Variants in ITGA1 observed in about 807,000 individuals in gnomAD.
ITGA1 encodes the protein integrin alpha-1.
A neutral mutation model predicts 145.9 loss-of-function variants in ITGA1; 85 were observed. The ratio of observed to expected loss-of-function variants is 0.58; its 90% confidence interval spans 0.49 to 0.70. ITGA1 has a LOEUF of 0.70. Among genes scored for constraint, ITGA1 ranks in the 30% least tolerant of loss-of-function variants. The probability of loss-of-function intolerance (pLI) is 0.00; values close to 1 mark genes in which losing one functional copy is unlikely to be tolerated. For synonymous variants in ITGA1, 520 were observed against 495.3 expected, an observed-to-expected ratio of 1.05 and a Z score of -0.66; for missense variants, 1,351 against 1,418.7, an observed-to-expected ratio of 0.95 and a Z score of 0.77.
At chr5:52,891,632 A>G (rs1750152059) in intron 8 of ITGA1, among the ~76,000 whole-genome samples, 1 of 149,808 alleles carries the variant, frequency 6.7e-6, no homozygotes, top group Non-Finnish European at 1.5e-5. Context: ...TAATTTTTTT[A>G]TTTATTACAG....
chr5:52,916,880 C>A (rs1750656046), intron 15 of ITGA1, among the ~76,000 whole-genome samples: 1 of 152,042 alleles, frequency 6.6e-6, no homozygotes, highest in South Asian at 2.1e-4. Context: ...TTTTATGCTC[C>A]AGTTTTGTTT....
At chr5:52,869,443 G>A (rs1387216906) in intron 6 of ITGA1, among the ~76,000 whole-genome samples, 2 of 152,206 alleles carry the variant, frequency 1.3e-5, no homozygotes, top group African/African-American at 4.8e-5. Context: ...TTACAGGCTT[G>A]AGCCACTGTG....
chr5:52,871,862 A>G (rs1749781588), intron 6 of ITGA1, among the ~76,000 whole-genome samples: 1 of 152,208 alleles, frequency 6.6e-6, no homozygotes, highest in African/African-American at 2.4e-5. Context: ...CCTTTTAAAA[A>G]TCACCTATAA....
At chr5:52,900,490 T>C (rs1750297179) in intron 11 of ITGA1, among the ~76,000 whole-genome samples, 1 of 152,200 alleles carries the variant, frequency 6.6e-6, no homozygotes, top group South Asian at 2.1e-4. Context: ...TGTATTATTA[T>C]TTATGTTATT....
At chr5:52,832,242 G>C (rs1320484370) in intron 1 of ITGA1, among the ~76,000 whole-genome samples, 4 of 152,066 alleles carry the variant, frequency 2.6e-5, no homozygotes, top group Non-Finnish European at 5.9e-5. Context: ...CCTGAGATTA[G>C]AGAGTTCATA....
At chr5:52,867,599 C>G (rs1451459119) in intron 6 of ITGA1, among the ~76,000 whole-genome samples, 4 of 152,016 alleles carry the variant, frequency 2.6e-5, no homozygotes, top group African/African-American at 9.7e-5. Flanking sequence ...TCATGGACCT[C>G]CTTTTTTCCC....
At chr5:52,802,497 A>T (rs1223260951) in intron 1 of ITGA1, 1 of 152,142 alleles carries the variant, frequency 6.6e-6, no homozygotes, top group Non-Finnish European at 1.5e-5. Flanking sequence ...GGGTAACTTA[A>T]ATCAGTTATT....
chr5:52,853,776 A>T (rs1749464105), intron 2 of ITGA1, among the ~76,000 whole-genome samples: 1 of 152,198 alleles, frequency 6.6e-6, no homozygotes, highest in Non-Finnish European at 1.5e-5. Flanking sequence ...TATGTTTAGC[A>T]TGAGCTGGAG....
At chr5:52,891,500 T>C (rs1403589299) in intron 8 of ITGA1, among the ~76,000 whole-genome samples, 1 of 150,082 alleles carries the variant, frequency 6.7e-6, no homozygotes, top group Non-Finnish European at 1.5e-5. Context: ...CTACTGTTTA[T>C]AGACATTTTG....
rs1249781626 is a variant in ITGA1, at chr5:52,910,370, T to C, written c.1808T>C (p.Val603Ala). 6.2e-7 allele frequency: 1 copy of C among 1,613,636 alleles called. No homozygotes were observed. Among genetic ancestry groups the C allele is most frequent in the Non-Finnish European group, 8.5e-7 (1 of 1,179,822 alleles). The change falls in exon 14 of 29, where the codon GTG (valine) becomes GCG (alanine). Residue 603 changes from valine (V) to alanine (A), a missense_variant. Physicochemically the swap from Val to Ala is moderately conservative, Grantham distance 64 (BLOSUM62 0). Transcript: ENST00000282588. ...APLEDDHGGA[V>A]YIYHGSGKTI... ...CTGGAAGATGATCACGGGGGAGCTG[T>C]GTACATTTATCATGGAAGTGGCAAG...
In ITGA1 at chr5:52,915,549, T is replaced by C. The variant is rs1435836492; in HGVS notation, c.1943T>C (p.Leu648Pro). ...HGEMDLNGDG[L>P]TDVTIGGLGG... is the part of the protein sequence containing the mutation. ...GAAATGGATTTAAATGGTGACGGTC[T>C]GACAGATGTGACTATTGGGGGCCTT... Residue 648 changes from leucine to proline, a missense_variant, in exon 15 of 29, where the codon CTG (leucine) becomes CCG (proline). Transcript: ENST00000282588. 2 of 1,614,122 alleles carry C rather than the reference T, an allele frequency of 1.2e-6. No individual in the cohort carries two copies. Among genetic ancestry groups the C allele is most frequent in the Non-Finnish European group, 1.7e-6 (2 of 1,179,992 alleles).
chr5:52,832,767 G>A (rs1258758465), intron 1 of ITGA1, among the ~76,000 whole-genome samples: 1 of 60,586 alleles, frequency 1.7e-5, no homozygotes, highest in African/African-American at 8.7e-5. Flanking sequence ...ATATAAATCT[G>A]TGTGTGTGTG....
At chr5:52,788,947 T>C (rs534269361) in intron 1 of ITGA1, among the ~76,000 whole-genome samples, 1 of 152,320 alleles carries the variant, frequency 6.6e-6, no homozygotes, top group East Asian at 1.9e-4. Context: ...AAAATGATGT[T>C]TCTATGTCAG....
intron 14 of ITGA1, among the ~76,000 whole-genome samples, chr5:52,910,711 A>G (rs1750494227): frequency 1.4e-5 from 2 of 147,030 alleles, no homozygotes; most frequent in Admixed American, 1.4e-4. Flanking sequence ...TATATACTAT[A>G]TATGGTATAT....
intron 11 of ITGA1, among the ~76,000 whole-genome samples, chr5:52,899,619 A>G (rs147484302): frequency 6.6e-6 from 1 of 152,284 alleles, no homozygotes; most frequent in African/African-American, 2.4e-5. Context: ...TGCCAGTAAA[A>G]TATTACACAG....
chr5:52,910,959 CACTATATATACTATATAT>C (rs1240539539), intron 14 of ITGA1, among the ~76,000 whole-genome samples: 2 of 127,452 alleles, frequency 1.6e-5, no homozygotes, highest in Non-Finnish European at 3.1e-5. Flanking sequence ...ATAGTATATA[CACTATATATACTATATAT>C]AGTATGTATA....
intron 8 of ITGA1, among the ~76,000 whole-genome samples, chr5:52,891,668 A>T (rs1386346182): frequency 2.1e-5 from 3 of 140,420 alleles, no homozygotes; most frequent in Middle Eastern, 3.8e-3. Flanking sequence ...ATAAAGTTTT[A>T]AAAAAAATAT....
intron 11 of ITGA1, chr5:52,902,529 C>T (rs1469504754): frequency 6.6e-6 from 1 of 152,106 alleles, no homozygotes; most frequent in Non-Finnish European, 1.5e-5. Flanking sequence ...TTCATAAATC[C>T]ATGCAAAGGG....
chr5:52,871,848 A>G (rs1274250686), intron 6 of ITGA1, among the ~76,000 whole-genome samples: 2 of 152,200 alleles, frequency 1.3e-5, no homozygotes, highest in African/African-American at 2.4e-5. Flanking sequence ...AGGCTATAAA[A>G]TTGCCTTTTA....
Sources: allele counts gnomAD v4.1 joint callset (sites outside exome capture counted in the v4.1 genomes callset), GRCh38; gene constraint gnomAD v4.1.1; transcripts MANE v1.5; gene names NCBI Gene and HGNC (gene_info 2026-07-23, HGNC 2026-07-21).